The following NCAN variants were observed in gnomAD, a reference collection of about 807,000 sequenced individuals.
The protein encoded by NCAN is neurocan core protein.
In NCAN, 47 loss-of-function variants were observed where a neutral mutation model predicts 121.8. That is an observed-to-expected ratio of 0.39 (90% CI 0.31 to 0.49). The LOEUF (loss-of-function observed/expected upper bound fraction) is 0.49, where lower values mean the gene tolerates loss of function less well. Among genes scored for constraint, NCAN ranks in the 20% least tolerant of loss-of-function variants. The pLI is 0.92. For synonymous variants in NCAN, 633 were observed against 702.0 expected (o/e 0.90, Z 1.55); for missense variants, 1,517 against 1,773.4 (o/e 0.86, Z 2.60).
chr19:19,229,415 G>A (rs956581905), intron 8 of NCAN, among the ~76,000 whole-genome samples: 1 of 152,198 alleles, frequency 6.6e-6, no homozygotes, highest in African/African-American at 2.4e-5. Context: ...AGGCATGGCA[G>A]GGAGGGTTTC....
intron 10 of NCAN, among the ~76,000 whole-genome samples, chr19:19,235,384 C>T (rs1434161222): frequency 2.0e-5 from 3 of 152,066 alleles, no homozygotes; most frequent in African/African-American, 7.2e-5. Flanking sequence ...ATTTTCCCTG[C>T]CTCAGCCTCC....
intron 12 of NCAN, among the ~76,000 whole-genome samples, chr19:19,243,819 AG>A (rs759575669): frequency 3.1e-4 from 47 of 152,104 alleles, no homozygotes; most frequent in South Asian, 1.0e-3. Flanking sequence ...CGAGGTCAGG[AG>A]TTCAAGACCA....
chr19:19,235,735 C>T (rs1371873390), intron 10 of NCAN, among the ~76,000 whole-genome samples: 2 of 151,924 alleles, frequency 1.3e-5, no homozygotes, highest in South Asian at 4.2e-4. Flanking sequence ...CGCCACCACG[C>T]CTAGCTAAAT....
At chr19:19,216,775 G>A (rs535098753) in intron 1 of NCAN, among the ~76,000 whole-genome samples, 172 bp from the exon 2 acceptor site, 46 of 152,308 alleles carry the variant, frequency 3.0e-4, no homozygotes, top group African/African-American at 1.0e-3. Context: ...CCCTGGGTTC[G>A]AATTCTGGCT....
chr19:19,224,326 G>A lies in NCAN; in HGVS notation c.671G>A (p.Arg224His), dbSNP rs1377689983. ...RTVRYPITQSRPGCYGDRSSL... is the reference protein window; with the variant it reads ...RTVRYPITQSHPGCYGDRSSL... ...GTCAGGTATCCTATCACCCAGTCCC[G>A]TCCTGGTTGCTATGGCGACCGTAGC... The change falls in exon 5 of 15, where the codon CGT becomes CAT. Residue 224 changes from arginine (R) to histidine (H), a missense_variant. Physicochemically the swap from Arg to His is conservative, Grantham distance 29. Coordinates refer to ENST00000252575, the MANE Select transcript of NCAN (RefSeq NM_004386.3). The A allele has an allele frequency of 6.2e-7, 1 of 1,613,882 alleles. No individual in the cohort carries two copies. Among genetic ancestry groups the A allele is most frequent in the African/African-American group, 1.3e-5 (1 of 74,880 alleles).
At position 19,225,466 on chromosome 19, in the gene NCAN, G is replaced by C. The variant is rs1415389273; in HGVS notation, c.1072+196G>C. ...AGTCTTTCCCTAGGAGCCCCGTCCTGGGTAAAGAACAGGGCTCCAGAGGAG... is the reference window on the plus strand; with the variant it reads ...AGTCTTTCCCTAGGAGCCCCGTCCTCGGTAAAGAACAGGGCTCCAGAGGAG... On this transcript the variant is annotated intron_variant, in intron 6 of 14. Coordinates refer to ENST00000252575, the MANE Select transcript of NCAN (RefSeq NM_004386.3). The surrounding 1 kb of genome is among the most constrained non-coding windows in gnomAD (Gnocchi z 4.0). 2.0e-5 allele frequency among the ~76,000 whole-genome samples: 3 copies of C among 152,210 alleles called. No homozygotes were observed. The highest frequency in any genetic ancestry group is 4.4e-5 in the Non-Finnish European group (3 of 68,036).
chr19:19,217,802 C>T (rs938647975), intron 2 of NCAN, among the ~76,000 whole-genome samples: 4 of 152,088 alleles, frequency 2.6e-5, no homozygotes, highest in Non-Finnish European at 5.9e-5. Flanking sequence ...GCCTGCCTAA[C>T]ATGGTGAAAC....
At chr19:19,246,131 A>G (rs2060923594) in intron 13 of NCAN, among the ~76,000 whole-genome samples, 1 of 152,002 alleles carries the variant, frequency 6.6e-6, no homozygotes, top group Non-Finnish European at 1.5e-5. Flanking sequence ...TCTGCCTCCC[A>G]TGTTCAAGTG....
chr19:19,248,178 C>G (rs1270469933), intron 13 of NCAN, among the ~76,000 whole-genome samples: 1 of 151,934 alleles, frequency 6.6e-6, no homozygotes, highest in Admixed American at 6.6e-5. Context: ...GGCACGGTGG[C>G]TCATGCCTTT....
Position 19,250,714 on chromosome 19 carries a change from C to T in NCAN, c.*803C>T, listed in dbSNP as rs562085876. On this transcript the variant is annotated 3_prime_UTR_variant, in exon 15 of 15. Coordinates refer to ENST00000252575, the MANE Select transcript of NCAN (RefSeq NM_004386.3). ...AGGGCTAGATGAGCCCAGATTTCTT[C>T]CCCCTCCATCTCTCAGGGAGACAAA... 1 of 155,094 alleles carries T rather than the reference C, an allele frequency of 6.4e-6. No individual in the cohort carries two copies. Among genetic ancestry groups the T allele is most frequent in the African/African-American group, 2.4e-5 (1 of 41,572 alleles). The allele number at this position is 155,094 out of a possible 1,614,324, so 9.6% of individuals were successfully genotyped here.
In NCAN at chr19:19,218,684, C is replaced by G. The variant is rs200473517; in HGVS notation, c.74-231C>G. The stretch of plus-strand genomic sequence containing the variant: ...ACAGGGTTTCTCCATGTTGGTCAGG[C>G]TGGTTTCAAATTCCTGACCTCAGGT... On this transcript the variant is annotated intron_variant, in intron 2 of 14. Transcript: ENST00000252575. 2.8e-4 allele frequency among the ~76,000 whole-genome samples: 42 copies of G among 152,246 alleles called. 1 individual carries two copies. The East Asian group carries it at 4.8e-3, about 18-fold the overall frequency.
intron 8 of NCAN, among the ~76,000 whole-genome samples, chr19:19,230,117 G>T (rs2060852615): frequency 1.3e-5 from 2 of 148,304 alleles, no homozygotes; most frequent in South Asian, 4.3e-4. Context: ...TGATCTCGGC[G>T]CACTGCAACC....
At chr19:19,240,490 G>A (rs569249854) in intron 11 of NCAN, 113 bp from the exon 12 acceptor site, 3 of 956,162 alleles carry the variant, frequency 3.1e-6, no homozygotes, top group East Asian at 2.4e-5. Context: ...TCCAGGCTGG[G>A]GAAGGTGAGG....
rs1353149234 is a variant in NCAN, at chr19:19,225,203, C to T, written c.1005C>T (p.Val335=). 1 of 1,569,090 alleles carries T rather than the reference C, an allele frequency of 6.4e-7. No homozygotes were observed. Among genetic ancestry groups the T allele is most frequent in the Admixed American group, 1.8e-5 (1 of 56,260 alleles). ...GCCCAGCCCCGGGCGTGCGCACCGTCTACCGCTTCGCTAACCGGACCGGCT... is the reference window on the plus strand; with the variant it reads ...GCCCAGCCCCGGGCGTGCGCACCGTTTACCGCTTCGCTAACCGGACCGGCT... The part of the protein sequence containing the change: ...CGGPAPGVRT[V]YRFANRTGFP... The change falls in exon 6 of 15, where the codon GTC becomes GTT. Residue 335 remains valine (V), a synonymous_variant. Transcript: ENST00000252575. The surrounding 1 kb of genome is among the most constrained non-coding windows in gnomAD (Gnocchi z 4.0).
chr19:19,220,272 A>G (rs976233230), intron 3 of NCAN, among the ~76,000 whole-genome samples: 11 of 151,472 alleles, frequency 7.3e-5, no homozygotes, highest in Admixed American at 6.6e-5. Flanking sequence ...TTTTATGGTT[A>G]TCTGATTTTA....
In NCAN at chr19:19,225,858, C is replaced by A. The variant is rs2060834805; in HGVS notation, c.1072+588C>A. 6.6e-6 allele frequency among the ~76,000 whole-genome samples: 1 copy of A among 152,228 alleles called. No homozygotes were observed. The highest frequency in any genetic ancestry group is 6.5e-5 in the Admixed American group (1 of 15,284). On this transcript the variant is annotated intron_variant, in intron 6 of 14. Transcript: ENST00000252575. The surrounding 1 kb of genome is among the most constrained non-coding windows in gnomAD (Gnocchi z 4.0). The stretch of plus-strand genomic sequence containing the variant: ...GATCCGTCACCAAGGTTGAGTTGAA[C>A]CCCTCAACAGGCAGACCCAAGTTCA...
At chr19:19,236,241 C>T (rs541105447) in intron 10 of NCAN, among the ~76,000 whole-genome samples, 7 of 152,160 alleles carry the variant, frequency 4.6e-5, no homozygotes, top group African/African-American at 2.4e-5. Flanking sequence ...TTTGCCTGTT[C>T]TAGACATTTC....
At chr19:19,244,309 C>CTTTTTTTT (rs532412223) in intron 12 of NCAN, among the ~76,000 whole-genome samples, 17 of 127,608 alleles carry the variant, frequency 1.3e-4, no homozygotes, top group African/African-American at 4.0e-4. Context: ...CCCTTACTAT[C>CTTTTTTTT]TTTTTTTTTT....
chr19:19,220,447 A>ATTTTTTTTTTTTTTTTTTTTTTTTTT (rs1343151998), intron 3 of NCAN, among the ~76,000 whole-genome samples: 1 of 108,730 alleles, frequency 9.2e-6, no homozygotes. Context: ...TGTTTAGGCA[A>ATTTTTTTTTTTTTTTTTTTTTTTTTT]TTCTTTTTTT....
Sources: gnomAD v4.1 joint callset for allele counts (sites outside exome capture counted in the v4.1 genomes callset) on GRCh38, gnomAD v4.1.1 for gene constraint, Gnocchi (gnomAD v3.1) non-coding constraint, MANE v1.5 for transcripts, NCBI Gene and HGNC (gene_info 2026-07-23, HGNC 2026-07-21) for gene names.